Variants in ROR2 observed in about 807,000 individuals in gnomAD.
The protein encoded by ROR2 is ROR family WNT receptor 2.
In ROR2, 33 loss-of-function variants were observed where a neutral mutation model predicts 74.9. The ratio of observed to expected loss-of-function variants is 0.44; its 90% CI spans 0.33 to 0.59. The LOEUF (loss-of-function observed/expected upper bound fraction) is 0.59. ROR2 is among the 20% of genes least tolerant of loss of function. ROR2 has a pLI of 0.02. For synonymous variants in ROR2, 586 were observed against 558.7 expected (o/e 1.05, Z -0.69); for missense variants, 1,216 against 1,313.8 (o/e 0.93, Z 1.15).
rs5899143 is a variant in ROR2, at chr9:91,845,877, C to CAAAAAAAAAAA, written c.98-70070_98-70060dup. Among the ~76,000 whole-genome samples, 17 of 33,896 alleles carry CAAAAAAAAAAA rather than the reference C, an allele frequency of 5.0e-4. 3 individuals are homozygous for CAAAAAAAAAAA. The highest frequency in any genetic ancestry group is 1.0e-3 in the Admixed American group (2 of 2,004). The allele number at this position is 33,896 out of a possible 152,430, so 22.2% of individuals were successfully genotyped here. A position where few individuals can be genotyped will look rare whatever the true frequency, so the allele number is the denominator to read the frequency against. On this transcript the variant is annotated intron_variant, in intron 1 of 8. Transcript: ENST00000375708. ...TGGGCAACAGAGCAAGAATCCATCT[C>CAAAAAAAAAAA]AAAAAAAAAAAAAAAAAAAAAAAAA...
intron 1 of ROR2, among the ~76,000 whole-genome samples, chr9:91,851,176 C>G (rs896234521): frequency 2.6e-5 from 4 of 152,016 alleles, no homozygotes; most frequent in Non-Finnish European, 5.9e-5. Context: ...CACGTTGAAA[C>G]TCCATCTCTA....
chr9:91,864,640 T>C (rs991170454), intron 1 of ROR2, among the ~76,000 whole-genome samples: 1 of 152,096 alleles, frequency 6.6e-6, no homozygotes, highest in Non-Finnish European at 1.5e-5. Flanking sequence ...ACACCCACTC[T>C]CTCCTTCCAT....
intron 1 of ROR2, among the ~76,000 whole-genome samples, chr9:91,918,014 G>A (rs1831177363): frequency 6.6e-6 from 1 of 151,986 alleles, no homozygotes; most frequent in African/African-American, 2.4e-5. Flanking sequence ...GCTCACACCT[G>A]TAATCCCAGC....
At chr9:91,920,091 T>C (rs568290244) in intron 1 of ROR2, among the ~76,000 whole-genome samples, 1 of 152,332 alleles carries the variant, frequency 6.6e-6, no homozygotes, top group East Asian at 1.9e-4. Flanking sequence ...TATTATTCCT[T>C]CTCTTTTGAG....
intron 4 of ROR2, among the ~76,000 whole-genome samples, chr9:91,742,043 T>C (rs1009263149): frequency 7.9e-5 from 12 of 152,142 alleles, no homozygotes; most frequent in African/African-American, 2.9e-4. Context: ...ATAAAAGACA[T>C]ACCTGAGACT....
At position 91,757,402 on chromosome 9, in the gene ROR2, G is replaced by A. The variant is rs747180661; in HGVS notation, c.333C>T (p.Ile111=). 3 of 1,613,948 alleles carry A rather than the reference G, an allele frequency of 1.9e-6. No homozygotes were observed. The highest frequency in any genetic ancestry group is 2.5e-6 in the Non-Finnish European group (3 of 1,180,004). The part of the protein sequence containing the change: ...PVVQEPRRII[I]RKTEYGSRLR... ...GTCGTGAACCATATTCTGTCTTCCG[G>A]ATGATGATCCGCCGCGGCTCCTGCA... The change falls in exon 3 of 9, where the codon ATC becomes ATT. Residue 111 remains isoleucine (I), a synonymous_variant. Coordinates refer to ENST00000375708, the MANE Select transcript of ROR2 (RefSeq NM_004560.4).
rs180966797 is a variant in ROR2, at chr9:91,836,059, G to T, written c.98-60241C>A. Among the ~76,000 whole-genome samples, 5 of 152,288 alleles carry T rather than the reference G, an allele frequency of 3.3e-5. No homozygotes were observed. The East Asian group carries it at 9.6e-4, about 29-fold the overall frequency. ...TCCTGCATTCCCCCGCTAAACAACA[G>T]AGTTTGGTTTCACCTATTTTAAAAA... On this transcript the variant is annotated intron_variant, in intron 1 of 8. Transcript: ENST00000375708.
At chr9:91,826,840 A>G (rs1354011163) in intron 1 of ROR2, among the ~76,000 whole-genome samples, 1 of 152,072 alleles carries the variant, frequency 6.6e-6, no homozygotes, top group East Asian at 1.9e-4. Flanking sequence ...GTAAATGTGT[A>G]TGTACTGCAT....
chr9:91,950,014 G>A lies in ROR2; in HGVS notation c.-51C>T. ...CCCTCAGAGCTTCGGGCCGGGGCGC[G>A]GGGTCGGGCGCCACCACCCCTTTCT... On this transcript the variant is annotated 5_prime_UTR_variant, in exon 1 of 9. Transcript: ENST00000375708. 2 of 980,170 alleles carry A rather than the reference G, an allele frequency of 2.0e-6. No homozygotes were observed. The highest frequency in any genetic ancestry group is 2.8e-6 in the Non-Finnish European group (2 of 725,272). 60.7% of individuals were successfully genotyped at this position (980,170 alleles called of 1,614,324 possible).
At chr9:91,820,351 GACACCA>G (rs1828099347) in intron 1 of ROR2, among the ~76,000 whole-genome samples, 3 of 152,178 alleles carry the variant, frequency 2.0e-5, no homozygotes, top group African/African-American at 7.2e-5. Flanking sequence ...GAGCAAGATG[GACACCA>G]GGGCCCCAGC....
chr9:91,847,060 G>A (rs1055766069), intron 1 of ROR2, among the ~76,000 whole-genome samples: 1 of 152,130 alleles, frequency 6.6e-6, no homozygotes, highest in Admixed American at 6.5e-5. Context: ...GACACAAATG[G>A]CATGGATTGG....
intron 1 of ROR2, among the ~76,000 whole-genome samples, chr9:91,917,748 G>A (rs74680418): frequency 2.0e-5 from 3 of 152,180 alleles, no homozygotes; most frequent in Admixed American, 2.0e-4. Context: ...GTGCTCAGGA[G>A]AGCATCTGGA....
At position 91,950,042 on chromosome 9, in the gene ROR2, G is replaced by C. The variant is rs918287126; in HGVS notation, c.-79C>G. On this transcript the variant is annotated 5_prime_UTR_variant, in exon 1 of 9. The change creates a new upstream start codon in the 5' untranslated region. Coordinates refer to ENST00000375708, the MANE Select transcript of ROR2 (RefSeq NM_004560.4). ...GTCGGGCGCCACCACCCCTTTCTAC[G>C]ATGCGTCCGCTCCTCCTTCTCCCTG... The C allele has an allele frequency of 4.9e-5, 31 of 626,974 alleles. No individual in the cohort carries two copies. Among genetic ancestry groups the C allele is most frequent in the Non-Finnish European group, 7.1e-5 (29 of 408,210 alleles). 38.8% of individuals were successfully genotyped at this position (626,974 alleles called of 1,614,324 possible).
At chr9:91,840,335 C>G (rs962383978) in intron 1 of ROR2, among the ~76,000 whole-genome samples, 1 of 152,200 alleles carries the variant, frequency 6.6e-6, no homozygotes, top group Non-Finnish European at 1.5e-5. Context: ...TGTAGTTCTG[C>G]AGTGCACTGA....
chr9:91,787,572 G>T (rs1374036106), intron 1 of ROR2, among the ~76,000 whole-genome samples: 2 of 151,868 alleles, frequency 1.3e-5, no homozygotes, highest in Non-Finnish European at 2.9e-5. Context: ...TAACTCAGTG[G>T]TCACACATTA....
rs1414442707 is a variant in ROR2 at position 91,733,468 on chromosome 9, G to A, written c.623-32C>T. The A allele has an allele frequency of 6.3e-7, 1 of 1,597,912 alleles. No homozygotes were observed. Among genetic ancestry groups the A allele is most frequent in the East Asian group, 2.3e-5 (1 of 44,402 alleles). On this transcript the variant is annotated intron_variant, in intron 5 of 8. Transcript: ENST00000375708. This position sits in a 1 kb window ranked among gnomAD's most constrained non-coding sequence, Gnocchi z 5.7. ...AGCCCGCGAGACTCGCGTTAGCGGG[G>A]GACCCACCTTGCGCCCTTGACATTC...
At chr9:91,829,915 G>A (rs1001233315) in intron 1 of ROR2, among the ~76,000 whole-genome samples, 1 of 152,160 alleles carries the variant, frequency 6.6e-6, no homozygotes, top group African/African-American at 2.4e-5. Flanking sequence ...CTTTCTTTGA[G>A]TAAAAAATCT....
At chr9:91,800,794 A>G (rs1257220777) in intron 1 of ROR2, among the ~76,000 whole-genome samples, 1 of 152,190 alleles carries the variant, frequency 6.6e-6, no homozygotes, top group Non-Finnish European at 1.5e-5. Flanking sequence ...CACGCTTCCA[A>G]AGAGACTCGT....
chr9:91,943,181 C>T (rs772930180), intron 1 of ROR2, among the ~76,000 whole-genome samples: 3 of 152,090 alleles, frequency 2.0e-5, no homozygotes, highest in Non-Finnish European at 4.4e-5. Context: ...CACAAGAACA[C>T]GTTTCAGGCT....
Sources: gnomAD v4.1 joint callset for allele counts (sites outside exome capture counted in the v4.1 genomes callset) on GRCh38, gnomAD v4.1.1 for gene constraint, Gnocchi (gnomAD v3.1) non-coding constraint, MANE v1.5 for transcripts, NCBI Gene and HGNC (gene_info 2026-07-23, HGNC 2026-07-21) for gene names.